RBFOX1: variants seen among roughly 807,000 people sequenced by gnomAD.
The protein encoded by RBFOX1 is RNA binding protein fox-1 homolog 1.
RBFOX1 carries 8 observed loss-of-function variants against 57.7 expected under a neutral mutation model. The observed-to-expected ratio is 0.14, with a 90% confidence interval of 0.08 to 0.25. The LOEUF (loss-of-function observed/expected upper bound fraction) is 0.25, where lower values mean the gene tolerates loss of function less well. Among genes scored for constraint, RBFOX1 ranks in the 10% least tolerant of loss-of-function variants. The pLI is 1.00. For missense variants in RBFOX1, 611 were observed against 548.5 expected, an observed-to-expected ratio of 1.11 and a Z score of -1.14; for synonymous variants, 326 against 222.4, an observed-to-expected ratio of 1.47 and a Z score of -4.15.
rs74607929 is a variant in RBFOX1, at chr16:6,316,606, A to G, written c.-126-389A>G. Among the ~76,000 whole-genome samples the G allele has an allele frequency of 4.5e-4, 69 of 152,280 alleles. No individual in the cohort carries two copies. The East Asian group carries it at 8.1e-3, about 18-fold the overall frequency. On this transcript the variant is annotated intron_variant, in intron 1 of 15. Transcript: ENST00000550418. ...ATGTCAACCTCCAGTCTTACCTTGAACACCTCCTGTGACAAGAACTCATGG... is the reference window on the plus strand; with the variant it reads ...ATGTCAACCTCCAGTCTTACCTTGAGCACCTCCTGTGACAAGAACTCATGG...
chr16:5,285,743 G>A (rs543107827), intron 1 of RBFOX1, among the ~76,000 whole-genome samples: 2 of 152,302 alleles, frequency 1.3e-5, no homozygotes, highest in South Asian at 4.1e-4. Context: ...GTGTCTGTGA[G>A]TTATTCAGTG....
At chr16:7,095,890 G>A (rs34013716) in intron 4 of RBFOX1, among the ~76,000 whole-genome samples, 30,634 of 151,426 alleles carry the variant, frequency 0.2, 4,062 homozygotes, top group Non-Finnish European at 0.28. Flanking sequence ...GCGGGTGTCT[G>A]TAATCCCAGC....
intron 12 of RBFOX1, among the ~76,000 whole-genome samples, chr16:7,655,066 C>A (rs1429888015): frequency 6.6e-6 from 1 of 152,024 alleles, no homozygotes; most frequent in Non-Finnish European, 1.5e-5. Context: ...GGTTAAATGC[C>A]CTTTTCATAG....
Position 6,019,288 on chromosome 16 carries a change from G to C in RBFOX1, c.-831G>C, listed in dbSNP as rs1330784227. On this transcript the variant is annotated 5_prime_UTR_variant, in exon 1 of 16. Transcript: ENST00000550418. This position sits in a 1 kb window ranked among gnomAD's most constrained non-coding sequence, Gnocchi z 4.2. ...CCCTTCCTGGTCTCCCGAGCGCGGG[G>C]TTTGAAGGTCACCTCCTTTCCAGTC... 2 of 985,186 alleles carry C rather than the reference G, an allele frequency of 2.0e-6. No individual in the cohort carries two copies. Among genetic ancestry groups the C allele is most frequent in the African/African-American group, 1.8e-5 (1 of 57,124 alleles). 61.0% of individuals were successfully genotyped at this position (985,186 alleles called of 1,614,324 possible).
Position 7,562,119 on chromosome 16 carries a change from T to G in RBFOX1, c.271-17658T>G, listed in dbSNP as rs552208668. Among the ~76,000 whole-genome samples, 112 of 152,336 alleles carry G rather than the reference T, an allele frequency of 7.4e-4. 4 individuals are homozygous for G. The highest frequency in any genetic ancestry group is 1.5e-4 in the Non-Finnish European group (10 of 68,028). On this transcript the variant is annotated intron_variant, in intron 5 of 15. Transcript: ENST00000550418. The stretch of plus-strand genomic sequence containing the variant: ...TAGAGAACAATGCAGCTCATTTTTA[T>G]GAGACCATTAACACAGAAGACAGTG...
intron 2 of RBFOX1, among the ~76,000 whole-genome samples, chr16:6,362,512 C>T (rs921552184): frequency 6.6e-5 from 10 of 152,182 alleles, no homozygotes; most frequent in Admixed American, 1.3e-4. Flanking sequence ...CACTGGCTCA[C>T]GCATTTGTGT....
intron 4 of RBFOX1, among the ~76,000 whole-genome samples, chr16:5,888,253 T>C (rs971146834): frequency 1.8e-4 from 28 of 152,210 alleles, no homozygotes; most frequent in Non-Finnish European, 3.4e-4. Context: ...CCAGGTCCTC[T>C]TCTTCCTGTG....
intron 4 of RBFOX1, among the ~76,000 whole-genome samples, chr16:7,312,415 G>C (rs532987991): frequency 6.6e-6 from 1 of 152,250 alleles, no homozygotes; most frequent in South Asian, 2.1e-4. Context: ...ACAAAGGAAG[G>C]CAATATGTTA....
intron 4 of RBFOX1, among the ~76,000 whole-genome samples, chr16:7,504,783 A>ATT (rs2072590822): frequency 1.1e-4 from 2 of 18,016 alleles, no homozygotes; most frequent in African/African-American, 2.7e-4. Flanking sequence ...ATATATATAT[A>ATT]TATTTATATA....
chr16:5,718,763 C>A (rs1011564170), intron 3 of RBFOX1, among the ~76,000 whole-genome samples: 1 of 152,044 alleles, frequency 6.6e-6, no homozygotes, highest in East Asian at 1.9e-4. Context: ...CAAAAATTAG[C>A]CGGGGCATAG....
chr16:7,209,383 G>A (rs748359040), intron 4 of RBFOX1, among the ~76,000 whole-genome samples: 19 of 152,220 alleles, frequency 1.2e-4, no homozygotes, highest in African/African-American at 4.6e-4. Context: ...AAGGACACCA[G>A]TTAGATTAGA....
chr16:6,483,249 C>G (rs998136876), intron 2 of RBFOX1: 10 of 1,272,726 alleles, frequency 7.9e-6, no homozygotes, highest in Non-Finnish European at 9.9e-6. Flanking sequence ...CCGTGGCCTC[C>G]CTTTGTGCGC....
At chr16:5,677,248 G>A (rs7197364) in intron 3 of RBFOX1, among the ~76,000 whole-genome samples, 88,321 of 152,142 alleles carry the variant, frequency 0.58, 29,041 homozygotes, top group Non-Finnish European at 0.75. Flanking sequence ...TATCACTAGA[G>A]AATAGGTAGT....
At chr16:7,001,400 GTATATGTATATGTATATGTATATGTATA>G (rs2092786461) in intron 3 of RBFOX1, among the ~76,000 whole-genome samples, 4 of 83,524 alleles carry the variant, frequency 4.8e-5, no homozygotes, top group African/African-American at 7.6e-5. Flanking sequence ...ATGTGTATTT[GTATATGTATATGTATATGTATATGTATA>G]TGTATATGTA....
intron 3 of RBFOX1, among the ~76,000 whole-genome samples, chr16:6,679,244 AG>A (rs1455876096): frequency 6.6e-6 from 1 of 152,076 alleles, no homozygotes; most frequent in Admixed American, 6.5e-5. Flanking sequence ...CGCGTTTTAA[AG>A]TTTACTGACA....
chr16:6,893,058 C>A (rs969861696), intron 3 of RBFOX1, among the ~76,000 whole-genome samples: 1 of 152,174 alleles, frequency 6.6e-6, no homozygotes, highest in East Asian at 1.9e-4. Flanking sequence ...TGATCTTTCT[C>A]TTCAGAACTT....
At chr16:6,417,415 T>C (rs2093653968) in intron 2 of RBFOX1, among the ~76,000 whole-genome samples, 1 of 147,006 alleles carries the variant, frequency 6.8e-6, no homozygotes, top group Non-Finnish European at 1.5e-5. Flanking sequence ...GTGTTTACTT[T>C]TTTTTTTTTT....
intron 3 of RBFOX1, among the ~76,000 whole-genome samples, chr16:6,770,302 T>C (rs938797606): frequency 6.6e-6 from 1 of 152,176 alleles, no homozygotes; most frequent in African/African-American, 2.4e-5. Flanking sequence ...CCAGTAGCAA[T>C]TGAAACTGTA....
rs1350479416 is a variant in RBFOX1 at position 6,943,998 on chromosome 16, C to G, written c.-15-108059C>G. On this transcript the variant is annotated intron_variant, in intron 3 of 15. Transcript: ENST00000550418. ...CCCAACTCACGAACTGTTCATTGCT[C>G]AAACTCCTTTAAGTTTAATTTGGCT... 2.0e-5 allele frequency among the ~76,000 whole-genome samples: 3 copies of G among 152,230 alleles called. No homozygotes were observed. The South Asian group carries it at 6.2e-4, about 32-fold the overall frequency.
Sources: allele counts gnomAD v4.1 joint callset (sites outside exome capture counted in the v4.1 genomes callset), GRCh38; gene constraint gnomAD v4.1.1; non-coding constraint Gnocchi (gnomAD v3.1); transcripts MANE v1.5; gene names NCBI Gene and HGNC (gene_info 2026-07-23, HGNC 2026-07-21).